DPP10: variants seen among roughly 807,000 people sequenced by gnomAD.
The protein encoded by DPP10 is dipeptidyl peptidase like 10, also known as inactive dipeptidyl peptidase 10.
Under a neutral mutation model 120.9 loss-of-function variants are expected in DPP10, and 33 were observed. The ratio of observed to expected loss-of-function variants is 0.27; its 90% CI spans 0.21 to 0.37. The LOEUF is 0.37. DPP10 is among the 10% of genes least tolerant of loss of function. The pLI, the probability that DPP10 is intolerant of heterozygous loss-of-function variation, is 1.00. For missense variants in DPP10, 816 were observed against 942.8 expected (o/e 0.87, Z 1.76); for synonymous variants, 337 against 326.1 (o/e 1.03, Z -0.36).
At chr2:114,594,221 G>T (rs1256352177) in intron 1 of DPP10, among the ~76,000 whole-genome samples, 1 of 151,960 alleles carries the variant, frequency 6.6e-6, no homozygotes, top group Non-Finnish European at 1.5e-5. Context: ...TCTTTCTCCT[G>T]TGCTAGAGAA....
chr2:115,060,807 A>G (rs987528363), intron 1 of DPP10, among the ~76,000 whole-genome samples: 1 of 152,120 alleles, frequency 6.6e-6, no homozygotes, highest in Non-Finnish European at 1.5e-5. Context: ...AAGAATGTTC[A>G]TTTTATGCTA....
chr2:114,473,610 T>C (rs952571791), intron 1 of DPP10, among the ~76,000 whole-genome samples: 1 of 152,156 alleles, frequency 6.6e-6, no homozygotes, highest in Non-Finnish European at 1.5e-5. Context: ...TTTAAAGATG[T>C]AGAATTGTTG....
chr2:115,168,698 A>G (rs559549638), intron 1 of DPP10, among the ~76,000 whole-genome samples: 4 of 152,300 alleles, frequency 2.6e-5, no homozygotes, highest in African/African-American at 9.6e-5. Flanking sequence ...AACTCAAGGA[A>G]TGGTTGTCGT....
At chr2:115,592,494 C>A (rs527401295) in intron 5 of DPP10, among the ~76,000 whole-genome samples, 1 of 151,960 alleles carries the variant, frequency 6.6e-6, no homozygotes, top group South Asian at 2.1e-4. Context: ...CTTTGGGAGG[C>A]CAAGGCCTAG....
chr2:115,135,901 T>C (rs754780105), intron 1 of DPP10, among the ~76,000 whole-genome samples: 1 of 152,314 alleles, frequency 6.6e-6, no homozygotes, highest in South Asian at 2.1e-4. Flanking sequence ...AGGAAGGTCA[T>C]AAGCAGTAGC....
chr2:115,386,827 C>A lies in DPP10; in HGVS notation c.271+42915C>A, dbSNP rs1044214956. 2.6e-5 allele frequency among the ~76,000 whole-genome samples: 4 copies of A among 151,722 alleles called. No homozygotes were observed. In the East Asian group the frequency reaches 5.8e-4, roughly 22 times the overall value. On this transcript the variant is annotated intron_variant, in intron 3 of 25. Transcript: ENST00000410059. ...ATTTCGGGGGTGACATATATTGTTA[C>A]CCTTTAATAAATTCATGCTGCAATA...
intron 1 of DPP10, among the ~76,000 whole-genome samples, chr2:114,488,430 G>A (rs1681699446): frequency 6.6e-6 from 1 of 152,192 alleles, no homozygotes; most frequent in African/African-American, 2.4e-5. Context: ...CTAATGTAGA[G>A]TATGTTCTCA....
intron 1 of DPP10, among the ~76,000 whole-genome samples, chr2:114,590,610 T>A (rs1691384195): frequency 6.6e-6 from 1 of 152,324 alleles, no homozygotes; most frequent in South Asian, 2.1e-4. Context: ...TTCAATGGTA[T>A]AAATACTCCC....
At chr2:115,731,717 C>T (rs1485665068) in intron 8 of DPP10, among the ~76,000 whole-genome samples, 3 of 152,158 alleles carry the variant, frequency 2.0e-5, no homozygotes, top group African/African-American at 2.4e-5. Context: ...ACACAACACA[C>T]GTTTTGGGAC....
chr2:115,287,184 G>A (rs750353146), intron 1 of DPP10, among the ~76,000 whole-genome samples: 1 of 152,068 alleles, frequency 6.6e-6, no homozygotes, highest in Admixed American at 6.6e-5. Flanking sequence ...AGCAGTGGAG[G>A]CTTTTGCTGA....
chr2:114,653,618 C>T (rs1255047424), intron 1 of DPP10, among the ~76,000 whole-genome samples: 1 of 152,110 alleles, frequency 6.6e-6, no homozygotes, highest in Admixed American at 6.5e-5. Context: ...TCATGCCCTC[C>T]AAAGGGGACT....
At chr2:115,107,422 CT>C (rs59046305) in intron 1 of DPP10, among the ~76,000 whole-genome samples, 230 of 59,854 alleles carry the variant, frequency 3.8e-3, no homozygotes, top group African/African-American at 9.9e-3. Context: ...TTGGTTATAG[CT>C]TTTTTTTTTT....
chr2:115,271,704 A>T lies in DPP10; in HGVS notation c.61-37535A>T, dbSNP rs1365989813. Among the ~76,000 whole-genome samples, 9 of 152,312 alleles carry T rather than the reference A, an allele frequency of 5.9e-5. No homozygotes were observed. In the East Asian group the frequency reaches 1.5e-3, roughly 26 times the overall value. The stretch of plus-strand genomic sequence containing the variant: ...TTTTGAATAAAACATAGGTAAAAAA[A>T]CTTTTAAGTAAGAAAATATGAAAAA... On this transcript the variant is annotated intron_variant, in intron 1 of 25. Transcript: ENST00000410059.
intron 1 of DPP10, among the ~76,000 whole-genome samples, chr2:114,977,197 CTG>C (rs1360764231): frequency 6.6e-6 from 1 of 152,062 alleles, no homozygotes; most frequent in Admixed American, 6.5e-5. Context: ...GCAATTGTCT[CTG>C]TTGTTTTATA....
chr2:114,987,908 A>G (rs1360583077), intron 1 of DPP10, among the ~76,000 whole-genome samples: 2 of 147,698 alleles, frequency 1.4e-5, no homozygotes, highest in Non-Finnish European at 3.0e-5. Context: ...GGTTCACACC[A>G]TTCTCCTGCC....
intron 1 of DPP10, among the ~76,000 whole-genome samples, chr2:115,016,259 A>T (rs982635586): frequency 6.6e-6 from 1 of 152,210 alleles, no homozygotes; most frequent in African/African-American, 2.4e-5. Flanking sequence ...TGGGGAAAGG[A>T]TTCCCTATTT....
intron 1 of DPP10, among the ~76,000 whole-genome samples, chr2:114,841,498 T>G (rs1688154277): frequency 6.6e-6 from 1 of 152,130 alleles, no homozygotes; most frequent in Admixed American, 6.6e-5. Flanking sequence ...CAAATGAAAC[T>G]GAGTGATTTC....
At chr2:115,466,256 T>A (rs1432867809) in intron 3 of DPP10, among the ~76,000 whole-genome samples, 1 of 152,174 alleles carries the variant, frequency 6.6e-6, no homozygotes, top group East Asian at 1.9e-4. Context: ...TCAAAACGTC[T>A]GATATGGGAA....
intron 1 of DPP10, among the ~76,000 whole-genome samples, chr2:114,589,039 G>C (rs551522103): frequency 7.9e-5 from 9 of 114,358 alleles, no homozygotes; most frequent in African/African-American, 1.1e-4. Context: ...GGTTTTTTTG[G>C]GGGGGGGGGT....
Sources: gnomAD v4.1 joint callset for allele counts (sites outside exome capture counted in the v4.1 genomes callset) on GRCh38, gnomAD v4.1.1 for gene constraint, MANE v1.5 for transcripts, NCBI Gene and HGNC (gene_info 2026-07-23, HGNC 2026-07-21) for gene names.